Variants in C19orf38 observed in about 807,000 individuals in gnomAD.
C19orf38 encodes chromosome 19 open reading frame 38.
A neutral mutation model predicts 26.6 loss-of-function variants in C19orf38; 14 were observed. The observed-to-expected ratio is 0.53, with a 90% CI of 0.35 to 0.82. The LOEUF is 0.82. C19orf38 is among the 40% of genes least tolerant of loss of function. The probability of loss-of-function intolerance (pLI) is 0.01; values close to 1 mark genes in which losing one functional copy is unlikely to be tolerated. For missense variants in C19orf38, 261 were observed against 299.5 expected (o/e 0.87, Z 0.95); for synonymous variants, 132 against 128.5 (o/e 1.03, Z -0.18).
chr19:10,856,541 T>C (rs2073627857), intron 3 of C19orf38, among the ~76,000 whole-genome samples, 184 bp downstream of exon 3: 2 of 152,184 alleles, frequency 1.3e-5, no homozygotes, highest in Admixed American at 1.3e-4. Context: ...GCTCGCTCTG[T>C]CGCCCAGGCT....
At chr19:10,836,742 C>T (rs2073434157) in exon 1 of C19orf38, 1 of 152,894 alleles carries the variant, frequency 6.5e-6, no homozygotes, top group Admixed American at 6.6e-5. Context: ...CCTTTTGCGC[C>T]TTAGAGGCAT....
At chr19:10,852,063 G>A (rs1250518963) in intron 2 of C19orf38, among the ~76,000 whole-genome samples, 1 of 151,874 alleles carries the variant, frequency 6.6e-6, no homozygotes, top group African/African-American at 2.4e-5. Flanking sequence ...GAGGCAGGAG[G>A]ATCATTTGAA....
chr19:10,849,284 G>A (rs1275528656), intron 1 of C19orf38, among the ~76,000 whole-genome samples: 1 of 152,116 alleles, frequency 6.6e-6, no homozygotes, highest in East Asian at 1.9e-4. Flanking sequence ...GCCTCCCAAA[G>A]TGCTGGGATT....
intron 2 of C19orf38, among the ~76,000 whole-genome samples, chr19:10,852,167 A>G (rs1456021265): frequency 4.6e-5 from 7 of 151,694 alleles, no homozygotes; most frequent in Non-Finnish European, 1.0e-4. Context: ...AAAAAAAGAT[A>G]TTGACCAGGC....
chr19:10,840,128 A>G (rs1180022725), intron 1 of C19orf38, among the ~76,000 whole-genome samples: 2 of 152,092 alleles, frequency 1.3e-5, no homozygotes, highest in African/African-American at 4.8e-5. Flanking sequence ...GTATTTTATT[A>G]CTTGCGTTCA....
At chr19:10,837,808 G>T (rs983202120) in intron 1 of C19orf38, among the ~76,000 whole-genome samples, 14 of 150,576 alleles carry the variant, frequency 9.3e-5, no homozygotes, top group African/African-American at 3.2e-4. Flanking sequence ...CACCCGGCCG[G>T]ATTTTTTTTA....
At chr19:10,863,360 AG>A (rs2073722313) in intron 6 of C19orf38, among the ~76,000 whole-genome samples, 153 bp downstream of exon 6, 1 of 152,154 alleles carries the variant, frequency 6.6e-6, no homozygotes, top group Non-Finnish European at 1.5e-5. Flanking sequence ...ACAGGGACTC[AG>A]TAGTGAGCCG....
intron 6 of C19orf38, among the ~76,000 whole-genome samples, chr19:10,866,357 ATTTTT>A (rs71164128): frequency 8.0e-6 from 1 of 125,646 alleles, no homozygotes; most frequent in African/African-American, 3.0e-5. Flanking sequence ...TGCCCAGCTA[ATTTTT>A]TTTTTTTTTT....
At chr19:10,847,912 G>T (rs1041571289), upstream of C19orf38, among the ~76,000 whole-genome samples, 1 of 152,096 alleles carries the variant, frequency 6.6e-6, no homozygotes, top group African/African-American at 2.4e-5. Context: ...GAGACAAAAG[G>T]CTGGGCACGG....
chr19:10,841,800 C>A, intron 1 of C19orf38: 1 of 1,059,038 alleles, frequency 9.4e-7, no homozygotes, highest in Non-Finnish European at 1.5e-6. Flanking sequence ...TAGTGAGATC[C>A]CATCTCCACA....
At chr19:10,859,868 A>G in intron 4 of C19orf38, 47 bp from the exon 5 acceptor site, 1 of 1,533,986 alleles carries the variant, frequency 6.5e-7, no homozygotes, top group Non-Finnish European at 8.8e-7. Context: ...CTCCTGACTC[A>G]AGGGGCAACC....
intron 5 of C19orf38, among the ~76,000 whole-genome samples, chr19:10,862,074 A>AT (rs1344060263): frequency 7.1e-6 from 1 of 140,174 alleles, no homozygotes; most frequent in African/African-American, 2.7e-5. Flanking sequence ...AATTTTTTGT[A>AT]TTTTTTTAGT....
intron 3 of C19orf38, among the ~76,000 whole-genome samples, chr19:10,857,037 C>T (rs979457245): frequency 7.3e-5 from 11 of 151,582 alleles, no homozygotes; most frequent in African/African-American, 2.7e-4. Context: ...CTCAAGCAAT[C>T]CTCCCACCTC....
chr19:10,851,544 T>C (rs551261015), intron 2 of C19orf38, among the ~76,000 whole-genome samples: 43 of 152,230 alleles, frequency 2.8e-4, no homozygotes, highest in Admixed American at 1.4e-3. Flanking sequence ...GTCTAAAATG[T>C]TGACCAGGGC....
chr19:10,857,064 T>C (rs1302701828), intron 3 of C19orf38, among the ~76,000 whole-genome samples: 1 of 151,640 alleles, frequency 6.6e-6, no homozygotes, highest in Non-Finnish European at 1.5e-5. Flanking sequence ...CCAAAAGTCC[T>C]GGGACCACAG....
chr19:10,845,226 C>T (rs1008046148), upstream of C19orf38, among the ~76,000 whole-genome samples: 5 of 151,666 alleles, frequency 3.3e-5, no homozygotes, highest in Non-Finnish European at 5.9e-5. Context: ...CTACCTTGAC[C>T]AAATTGTATT....
intron 4 of C19orf38, among the ~76,000 whole-genome samples, chr19:10,859,137 A>G (rs1242359825): frequency 6.8e-6 from 1 of 146,620 alleles, no homozygotes; most frequent in Non-Finnish European, 1.5e-5. Context: ...GGATTTCTCC[A>G]TGTTGGTCCG....
chr19:10,869,169 C>T (rs1203192715), intron 6 of C19orf38, 49 bp from the exon 7 acceptor site: 1 of 1,549,072 alleles, frequency 6.5e-7, no homozygotes, highest in Admixed American at 2.0e-5. Flanking sequence ...ACCCTAGATC[C>T]TGAAACCCCA....
At chr19:10,860,867 A>T (rs1395862671) in intron 5 of C19orf38, among the ~76,000 whole-genome samples, 2 of 146,918 alleles carry the variant, frequency 1.4e-5, no homozygotes, top group Non-Finnish European at 3.0e-5. Flanking sequence ...AGAAAGGGCC[A>T]GGCACGGTGG....
Sources: gnomAD v4.1 joint callset for allele counts (sites outside exome capture counted in the v4.1 genomes callset) on GRCh38, gnomAD v4.1.1 for gene constraint, MANE v1.5 for transcripts, NCBI Gene and HGNC (gene_info 2026-07-23, HGNC 2026-07-21) for gene names.